The following LRRC4C variants were observed in gnomAD, a reference collection of about 807,000 sequenced individuals.
The protein encoded by LRRC4C is leucine rich repeat containing 4C, also known as leucine-rich repeat-containing protein 4C.
A neutral mutation model predicts 33.6 loss-of-function variants in LRRC4C; 5 were observed. The observed-to-expected ratio is 0.15, with a 90% CI of 0.08 to 0.31. The LOEUF (loss-of-function observed/expected upper bound fraction) is 0.31. Ranked by LOEUF, LRRC4C falls within the 10% of genes least tolerant of loss-of-function variation. The probability of loss-of-function intolerance (pLI) is 1.00; values close to 1 mark genes in which losing one functional copy is unlikely to be tolerated. For missense variants in LRRC4C, 560 were observed against 796.7 expected (o/e 0.70, Z 3.58); for synonymous variants, 329 against 302.0 (o/e 1.09, Z -0.93).
At chr11:40,842,484 T>C (rs927438302) in intron 2 of LRRC4C, among the ~76,000 whole-genome samples, 1 of 152,202 alleles carries the variant, frequency 6.6e-6, no homozygotes, top group African/African-American at 2.4e-5. Context: ...CATTGTAGAA[T>C]GGTTACATTG....
At chr11:41,161,280 T>C (rs1944459753) in intron 1 of LRRC4C, among the ~76,000 whole-genome samples, 1 of 152,234 alleles carries the variant, frequency 6.6e-6, no homozygotes, top group East Asian at 1.9e-4. Context: ...ACATGAGAAA[T>C]CCTATGTCAA....
At chr11:40,282,467 G>T (rs1311313004) in intron 4 of LRRC4C, among the ~76,000 whole-genome samples, 1 of 151,928 alleles carries the variant, frequency 6.6e-6, no homozygotes, top group Non-Finnish European at 1.5e-5. Flanking sequence ...GGCAGTTCTG[G>T]GGCTAAAATT....
At chr11:40,980,540 C>T (rs921411982) in intron 1 of LRRC4C, among the ~76,000 whole-genome samples, 2 of 151,872 alleles carry the variant, frequency 1.3e-5, no homozygotes, top group African/African-American at 4.8e-5. Context: ...AGAACCAGAG[C>T]AGAGTTTAGG....
At chr11:40,752,307 G>A (rs901393553) in intron 2 of LRRC4C, among the ~76,000 whole-genome samples, 3 of 151,990 alleles carry the variant, frequency 2.0e-5, no homozygotes, top group Non-Finnish European at 2.9e-5. Flanking sequence ...AGAGTAAAGA[G>A]ATAACCTACA....
At chr11:40,513,263 A>G (rs2135156164) in intron 3 of LRRC4C, among the ~76,000 whole-genome samples, 1 of 151,704 alleles carries the variant, frequency 6.6e-6, no homozygotes, top group African/African-American at 2.4e-5. Flanking sequence ...AAAAAAAAAA[A>G]AAAAAAGAAA....
chr11:40,553,276 A>T (rs951041670), intron 3 of LRRC4C, among the ~76,000 whole-genome samples: 1 of 94,986 alleles, frequency 1.1e-5, no homozygotes, highest in Admixed American at 1.3e-4. Flanking sequence ...TGTCTAAAAA[A>T]CAAACAAAAA....
chr11:41,395,046 C>G (rs1460972333), intron 1 of LRRC4C, among the ~76,000 whole-genome samples: 1 of 151,900 alleles, frequency 6.6e-6, no homozygotes, highest in Non-Finnish European at 1.5e-5. Context: ...TACTGTTTGG[C>G]TCTACTAAAC....
chr11:40,435,706 A>G (rs564571427), intron 3 of LRRC4C, among the ~76,000 whole-genome samples: 1 of 152,346 alleles, frequency 6.6e-6, no homozygotes, highest in Non-Finnish European at 1.5e-5. Context: ...AGGGGCAGAC[A>G]TAATGAGAAC....
intron 1 of LRRC4C, among the ~76,000 whole-genome samples, chr11:41,397,269 C>T (rs1953855551): frequency 6.6e-6 from 1 of 151,918 alleles, no homozygotes; most frequent in Non-Finnish European, 1.5e-5. Flanking sequence ...TCCTCTTCCA[C>T]CTCCTACACC....
At chr11:41,202,891 T>C (rs1485431494) in intron 1 of LRRC4C, among the ~76,000 whole-genome samples, 1 of 152,028 alleles carries the variant, frequency 6.6e-6, no homozygotes, top group Non-Finnish European at 1.5e-5. Flanking sequence ...GTCCAAGCGA[T>C]TCTCCTGCCT....
chr11:41,300,133 G>C (rs1428986252), intron 1 of LRRC4C, among the ~76,000 whole-genome samples: 1 of 152,140 alleles, frequency 6.6e-6, no homozygotes, highest in Non-Finnish European at 1.5e-5. Flanking sequence ...AACATTATCA[G>C]TTTGAACTCA....
chr11:40,655,692 T>G (rs143454838), intron 2 of LRRC4C, among the ~76,000 whole-genome samples: 16 of 152,326 alleles, frequency 1.1e-4, no homozygotes, highest in Middle Eastern at 3.4e-3. Context: ...GAATCATTTC[T>G]TATTATTCCC....
intron 1 of LRRC4C, among the ~76,000 whole-genome samples, chr11:41,360,419 T>C (rs1952314093): frequency 6.6e-6 from 1 of 151,714 alleles, no homozygotes; most frequent in Admixed American, 6.5e-5. Flanking sequence ...ACTCAAACTC[T>C]AATTTCATGA....
chr11:40,521,203 C>A (rs1955796488), intron 3 of LRRC4C, among the ~76,000 whole-genome samples: 1 of 152,078 alleles, frequency 6.6e-6, no homozygotes, highest in African/African-American at 2.4e-5. Flanking sequence ...AAAAAGCAGT[C>A]TAAAAGGAAA....
intron 3 of LRRC4C, among the ~76,000 whole-genome samples, chr11:40,356,059 C>T (rs1173474638): frequency 6.6e-6 from 1 of 151,992 alleles, no homozygotes; most frequent in East Asian, 1.9e-4. Context: ...CTCTGGCACT[C>T]AGTGACTGTG....
intron 3 of LRRC4C, among the ~76,000 whole-genome samples, chr11:40,615,518 C>T (rs1282899166): frequency 6.6e-6 from 1 of 151,514 alleles, no homozygotes; most frequent in African/African-American, 2.4e-5. Context: ...CCAATATTTA[C>T]TGGATGACCC....
intron 5 of LRRC4C, among the ~76,000 whole-genome samples, chr11:40,201,299 T>C (rs971752553): frequency 2.6e-5 from 4 of 152,192 alleles, no homozygotes; most frequent in Non-Finnish European, 5.9e-5. Context: ...GATTCCCTGT[T>C]TTTTTGTCTT....
intron 1 of LRRC4C, among the ~76,000 whole-genome samples, chr11:41,422,026 T>C (rs1184604477): frequency 6.6e-6 from 1 of 152,026 alleles, no homozygotes; most frequent in Non-Finnish European, 1.5e-5. Context: ...AGGAAGATAA[T>C]AAAATAAACA....
At chr11:41,365,688 A>G (rs1180258122) in intron 1 of LRRC4C, among the ~76,000 whole-genome samples, 1 of 152,186 alleles carries the variant, frequency 6.6e-6, no homozygotes, top group African/African-American at 2.4e-5. Context: ...TGGAAAAAAA[A>G]TTGCTACTAA....
Sources: allele counts gnomAD v4.1 joint callset (sites outside exome capture counted in the v4.1 genomes callset), GRCh38; gene constraint gnomAD v4.1.1; transcripts MANE v1.5; gene names NCBI Gene and HGNC (gene_info 2026-07-23, HGNC 2026-07-21).